Variants in OVOL2 observed in about 807,000 individuals in gnomAD.
OVOL2 encodes the protein ovo like zinc finger 2.
OVOL2 carries 13 observed loss-of-function variants against 18.1 expected under a neutral mutation model. That is an observed-to-expected ratio of 0.72 (90% confidence interval 0.47 to 1.14). The LOEUF is 1.14. Ranked by LOEUF, OVOL2 falls within the 50% of genes most tolerant of loss-of-function variation. The pLI is 0.00. For missense variants in OVOL2, 335 were observed against 383.0 expected (o/e 0.87, Z 1.05); for synonymous variants, 166 against 162.7 (o/e 1.02, Z -0.16).
At chr20:18,032,452 T>C (rs146065597) in intron 3 of OVOL2, among the ~76,000 whole-genome samples, 3 of 152,122 alleles carry the variant, frequency 2.0e-5, no homozygotes, top group African/African-American at 4.8e-5. Flanking sequence ...AATTGAGGAA[T>C]AGGAAAAGTA....
chr20:18,040,324 T>C (rs370734642), intron 3 of OVOL2, among the ~76,000 whole-genome samples: 59 of 151,698 alleles, frequency 3.9e-4, no homozygotes, highest in African/African-American at 1.3e-3. Flanking sequence ...CTGAAATGGG[T>C]TGGAGTGAGA....
At chr20:18,037,733 G>C (rs939841698) in intron 3 of OVOL2, among the ~76,000 whole-genome samples, 4 of 152,178 alleles carry the variant, frequency 2.6e-5, no homozygotes, top group Non-Finnish European at 5.9e-5. Flanking sequence ...TGAGCAACCT[G>C]GGGTGCATTC....
Position 18,040,608 on chromosome 20 carries a change from A to C in OVOL2, c.511+926T>G, listed in dbSNP as rs546057892. On this transcript the variant is annotated intron_variant, in intron 3 of 3. Transcript: ENST00000278780. ...GCTCAGGCGGGAAAGCATGGAGGCCAGGTGTTTCTCAGATAGAAGCAGTGA... is the reference window on the plus strand; with the variant it reads ...GCTCAGGCGGGAAAGCATGGAGGCCCGGTGTTTCTCAGATAGAAGCAGTGA... 3.9e-5 allele frequency among the ~76,000 whole-genome samples: 6 copies of C among 152,306 alleles called. No homozygotes were observed. In the East Asian group the frequency reaches 1.2e-3, roughly 29 times the overall value.
chr20:18,055,604 C>T (rs2036814291), intron 2 of OVOL2, among the ~76,000 whole-genome samples: 1 of 152,198 alleles, frequency 6.6e-6, no homozygotes, highest in South Asian at 2.1e-4. Context: ...GGAGTCAAAC[C>T]CTGGGAATAC....
In OVOL2 at chr20:18,056,960, T is replaced by TGCC. The variant is rs1384142926; in HGVS notation, c.101-86_101-84dup. 12 of 1,365,934 alleles carry TGCC rather than the reference T, an allele frequency of 8.8e-6. No individual in the cohort carries two copies. In the South Asian group the frequency reaches 1.2e-4, roughly 13 times the overall value. 84.6% of individuals were successfully genotyped at this position (1,365,934 alleles called of 1,614,324 possible). On this transcript the variant is annotated intron_variant, in intron 1 of 3. Transcript: ENST00000278780. This position sits in a 1 kb window ranked among gnomAD's most constrained non-coding sequence, Gnocchi z 4.2. ...CGGCAGTTTGACCTGCGGGCGGTGC[T>TGCC]GCCGCCGCCCCGCCCCGGACCTGGG...
At chr20:18,025,766 G>A (rs931137520) in intron 3 of OVOL2, among the ~76,000 whole-genome samples, 9 of 152,212 alleles carry the variant, frequency 5.9e-5, no homozygotes, top group South Asian at 2.1e-4. Flanking sequence ...TCTGTGCAAC[G>A]CAGGGAGACA....
At chr20:18,037,779 G>A (rs2122704251) in intron 3 of OVOL2, among the ~76,000 whole-genome samples, 1 of 152,256 alleles carries the variant, frequency 6.6e-6, no homozygotes, top group South Asian at 2.1e-4. Context: ...GTGGGATTGA[G>A]CCTCCGCTGC....
chr20:18,054,766 C>CAAAAAAAAAAAAAAA (rs745367889), intron 2 of OVOL2, among the ~76,000 whole-genome samples: 8 of 63,422 alleles, frequency 1.3e-4, no homozygotes, highest in African/African-American at 3.5e-4. Flanking sequence ...AACTCCATCT[C>CAAAAAAAAAAAAAAA]AAAAAAAAAA....
At chr20:18,042,428 C>T (rs1391435721) in intron 2 of OVOL2, among the ~76,000 whole-genome samples, 2 of 151,946 alleles carry the variant, frequency 1.3e-5, no homozygotes, top group Non-Finnish European at 2.9e-5. Context: ...GTGCCGTCCC[C>T]GTAGTAAAGA....
intron 3 of OVOL2, among the ~76,000 whole-genome samples, chr20:18,037,726 G>A (rs946486985): frequency 6.6e-5 from 10 of 152,184 alleles, no homozygotes; most frequent in Non-Finnish European, 1.0e-4. Context: ...GGTTGATTGA[G>A]CAACCTGGGG....
chr20:18,032,011 T>G (rs1323881717), intron 3 of OVOL2, among the ~76,000 whole-genome samples: 1 of 152,034 alleles, frequency 6.6e-6, no homozygotes, highest in Non-Finnish European at 1.5e-5. Context: ...GGCATGCTTG[T>G]GGGAGTGGAC....
Position 18,057,838 on chromosome 20 carries a change from C to A in OVOL2, c.-204G>T. The A allele has an allele frequency of 7.4e-7, 1 of 1,359,124 alleles. No homozygotes were observed. Among genetic ancestry groups the A allele is most frequent in the Non-Finnish European group, 9.4e-7 (1 of 1,063,352 alleles). The allele number at this position is 1,359,124 out of a possible 1,614,324, so 84.2% of individuals were successfully genotyped here. A position where few individuals can be genotyped will look rare whatever the true frequency, so the allele number is the denominator to read the frequency against. On this transcript the variant is annotated 5_prime_UTR_variant, in exon 1 of 4. Transcript: ENST00000278780. This position sits in a 1 kb window ranked among gnomAD's most constrained non-coding sequence, Gnocchi z 6.3. ...CTCCCAGCCTCCCGGCTCGGCGACACCTATGCCTTAAATCGCGAGTGAGAC... is the reference window on the plus strand; with the variant it reads ...CTCCCAGCCTCCCGGCTCGGCGACAACTATGCCTTAAATCGCGAGTGAGAC...
chr20:18,028,293 C>T (rs1201665427), intron 3 of OVOL2, among the ~76,000 whole-genome samples: 3 of 151,982 alleles, frequency 2.0e-5, no homozygotes, highest in Non-Finnish European at 4.4e-5. Flanking sequence ...TCTCCTGCCT[C>T]AGCCTCCCAA....
At chr20:18,031,344 G>A (rs1009482214) in intron 3 of OVOL2, among the ~76,000 whole-genome samples, 3 of 152,196 alleles carry the variant, frequency 2.0e-5, no homozygotes, top group Non-Finnish European at 4.4e-5. Flanking sequence ...ACATAATGCA[G>A]ATAAGCCTCA....
At chr20:18,054,783 GAAAGAAAAGA>G (rs1555796518) in intron 2 of OVOL2, among the ~76,000 whole-genome samples, 35 of 111,254 alleles carry the variant, frequency 3.1e-4, no homozygotes, top group South Asian at 1.2e-3. Context: ...AAAAAAAAAA[GAAAGAAAAGA>G]AAAGAAAAGA....
intron 2 of OVOL2, among the ~76,000 whole-genome samples, chr20:18,042,847 G>GCTTGTTCCC (rs2036686955): frequency 6.7e-6 from 1 of 149,030 alleles, no homozygotes; most frequent in Admixed American, 6.7e-5. Context: ...CATATGACAC[G>GCTTGTTCCC]CTTGTTCCCC....
Position 18,057,564 on chromosome 20 carries a change from T to A in OVOL2, c.71A>T (p.Asp24Val). ...VSVRSWDELP[D>V]EKRADTYIPV... ...GATGTAGGTGTCTGCCCTTTTCTCA[T>A]CCGGGAGCTCATCCCAGCTGCGGAC... Residue 24 changes from aspartate (D) to valine (V), a missense_variant, in exon 1 of 4, where the codon GAT becomes GTT. Coordinates refer to ENST00000278780, the MANE Select transcript of OVOL2 (RefSeq NM_021220.4). The surrounding 1 kb of genome is among the most constrained non-coding windows in gnomAD (Gnocchi z 6.3). 6.3e-7 allele frequency: 1 copy of A among 1,593,032 alleles called. No individual in the cohort carries two copies. Among genetic ancestry groups the A allele is most frequent in the East Asian group, 2.3e-5 (1 of 43,662 alleles).
chr20:18,031,814 T>C (rs1023327786), intron 3 of OVOL2, among the ~76,000 whole-genome samples: 1 of 152,212 alleles, frequency 6.6e-6, no homozygotes, highest in South Asian at 2.1e-4. Context: ...ATATTGTTTA[T>C]TGGGTTATCA....
In OVOL2 at chr20:18,024,674, C is replaced by T. The variant is rs1167745179; in HGVS notation, c.790G>A (p.Glu264Lys). The change falls in exon 4 of 4, where the codon GAG becomes AAG. Residue 264 changes from glutamate to lysine, a missense_variant. By Grantham distance (56) the Glu-to-Lys change is moderately conservative. Transcript: ENST00000278780. Reference sequence around the variant, plus strand: ...TCCTCCTCACTCAGGCTGGTATTCTCCTGGTGTGCGGATGTCAGCTTGCCC... The same window carrying T: ...TCCTCCTCACTCAGGCTGGTATTCTTCTGGTGTGCGGATGTCAGCTTGCCC... ...LQGKLTSAHQ[E>K]NTSLSEEEER... 10 of 1,613,526 alleles carry T rather than the reference C, an allele frequency of 6.2e-6. No homozygotes were observed. In the African/African-American group the frequency reaches 1.3e-4, roughly 22 times the overall value.
Sources: gnomAD v4.1 joint callset for allele counts (sites outside exome capture counted in the v4.1 genomes callset) on GRCh38, gnomAD v4.1.1 for gene constraint, Gnocchi (gnomAD v3.1) non-coding constraint, MANE v1.5 for transcripts, NCBI Gene and HGNC (gene_info 2026-07-23, HGNC 2026-07-21) for gene names.